PAX1: variants seen among roughly 807,000 people sequenced by gnomAD.
PAX1 encodes paired box protein Pax-1.
In PAX1, 18 loss-of-function variants were observed where a neutral mutation model predicts 35.6. That is an observed-to-expected ratio of 0.50 (90% CI 0.35 to 0.75). The LOEUF (loss-of-function observed/expected upper bound fraction) is 0.75. Among genes scored for constraint, PAX1 ranks in the 30% least tolerant of loss-of-function variants. The probability of loss-of-function intolerance (pLI) is 0.01; values close to 1 mark genes in which losing one functional copy is unlikely to be tolerated. For synonymous variants in PAX1, 397 were observed against 305.2 expected (o/e 1.30, Z -3.14); for missense variants, 760 against 661.5 (o/e 1.15, Z -1.63).
Position 21,706,659 on chromosome 20 carries a change from C to T in PAX1, c.508C>T (p.Pro170Ser). The T allele has an allele frequency of 6.2e-7, 1 of 1,612,328 alleles. No individual in the cohort carries two copies. ...GCCCGGGGCCATCGGGGGGAGCAAG[C>T]CCCGCGTCACCACTCCCAACGTGGT... is the stretch of plus-strand genomic sequence containing the variant. ...ILPGAIGGSK[P>S]RVTTPNVVKH... Residue 170 changes from proline (P) to serine (S), a missense_variant, in exon 2 of 5, where the codon CCC becomes TCC. Pro to Ser is a moderately conservative substitution (Grantham distance 74). Transcript: ENST00000613128. This position sits in a 1 kb window ranked among gnomAD's most constrained non-coding sequence, Gnocchi z 5.3.
In PAX1 at chr20:21,706,005, G is replaced by C. The variant is rs960957988; in HGVS notation, c.286+7G>C. 4.1e-6 allele frequency: 6 copies of C among 1,470,674 alleles called. No individual in the cohort carries two copies. The African/African-American group carries it at 8.5e-5, about 21-fold the overall frequency. 91.1% of individuals were successfully genotyped at this position (1,470,674 alleles called of 1,614,324 possible). On this transcript the variant is annotated splice_region_variant and intron_variant, in intron 1 of 4. Transcript: ENST00000613128. The surrounding 1 kb of genome is among the most constrained non-coding windows in gnomAD (Gnocchi z 5.3). ...GCCGGCCCGCTCGCTATGGGTAAGG[G>C]GCGGGCGACAGGCAGGGCTCGGGAG...
chr20:21,713,723 A>T (rs1250215337), intron 4 of PAX1, among the ~76,000 whole-genome samples: 1 of 152,192 alleles, frequency 6.6e-6, no homozygotes, highest in East Asian at 1.9e-4. Context: ...GCCCCTTCCC[A>T]AGCCCCTAAA....
At chr20:21,712,253 ATAAT>A in intron 4 of PAX1, among the ~76,000 whole-genome samples, 2 of 152,364 alleles carry the variant, frequency 1.3e-5, no homozygotes, top group Middle Eastern at 3.4e-3. Context: ...ATTTAATACT[ATAAT>A]TCATTTTTTT....
rs1220036982 is a variant in PAX1 at position 21,717,320 on chromosome 20, C to T, written c.*2758C>T. The T allele has an allele frequency of 1.3e-5, 2 of 152,284 alleles. No individual in the cohort carries two copies. Among genetic ancestry groups the T allele is most frequent in the African/African-American group, 4.8e-5 (2 of 41,438 alleles). The allele number at this position is 152,284 out of a possible 1,614,324, so 9.4% of individuals were successfully genotyped here. On this transcript the variant is annotated 3_prime_UTR_variant, in exon 5 of 5. Transcript: ENST00000613128. ...AGTGAACTTGGCTTAAATCTCTGCT[C>T]CACTGTATGTGTCAGGGGACTGGGA...
At position 21,706,407 on chromosome 20, in the gene PAX1, T is replaced by A. The variant is rs758695597; in HGVS notation, c.287-31T>A. 18 of 1,609,350 alleles carry A rather than the reference T, an allele frequency of 1.1e-5. No individual in the cohort carries two copies. Among genetic ancestry groups the A allele is most frequent in the Admixed American group, 5.0e-5 (3 of 60,000 alleles). On this transcript the variant is annotated intron_variant, in intron 1 of 4. Transcript: ENST00000613128. This position sits in a 1 kb window ranked among gnomAD's most constrained non-coding sequence, Gnocchi z 5.3. ...TAACCCGCCGGGTGTTTTCTCCCCC[T>A]CCGGCTCACTCTTGTCTGGCGCATC... is the stretch of plus-strand genomic sequence containing the variant.
At position 21,716,895 on chromosome 20, in the gene PAX1, G is replaced by T. The variant is rs1985387788; in HGVS notation, c.*2333G>T. ...GCCTGGAGAAGGACTGGCTTGCTCA[G>T]GCCAGGAGGAAGACATCACATCCCT... On this transcript the variant is annotated 3_prime_UTR_variant, in exon 5 of 5. Transcript: ENST00000613128. 6.6e-6 allele frequency: 1 copy of T among 152,194 alleles called. No homozygotes were observed. The highest frequency in any genetic ancestry group is 1.5e-5 in the Non-Finnish European group (1 of 68,050). The allele number at this position is 152,194 out of a possible 1,614,324, so 9.4% of individuals were successfully genotyped here.
rs185105091 is a variant in PAX1, at chr20:21,706,405, C to T, written c.287-33C>T. The T allele has an allele frequency of 6.2e-6, 10 of 1,609,446 alleles. No individual in the cohort carries two copies. The East Asian group carries it at 6.7e-5, about 11-fold the overall frequency. ...GCTAACCCGCCGGGTGTTTTCTCCC[C>T]CTCCGGCTCACTCTTGTCTGGCGCA... On this transcript the variant is annotated intron_variant, in intron 1 of 4. Transcript: ENST00000613128. This position sits in a 1 kb window ranked among gnomAD's most constrained non-coding sequence, Gnocchi z 5.3.
In PAX1 at chr20:21,705,730, C is replaced by A; in HGVS notation, c.18C>A (p.Gly6=). The change falls in exon 1 of 5, where the codon GGC becomes GGA. Residue 6 remains glycine, a synonymous_variant. Coordinates refer to ENST00000613128, the MANE Select transcript of PAX1 (RefSeq NM_001257096.2). The part of the protein sequence containing the change: MKFTL[G]LGSRAWRVSW... ...CCAATCGGATGAAGTTCACCCTGGGCCTGGGGTCGCGGGCGTGGAGAGTGT... is the reference window on the plus strand; with the variant it reads ...CCAATCGGATGAAGTTCACCCTGGGACTGGGGTCGCGGGCGTGGAGAGTGT... The A allele has an allele frequency of 1.6e-6, 2 of 1,248,780 alleles. No homozygotes were observed. The highest frequency in any genetic ancestry group is 4.1e-5 in the South Asian group (1 of 24,536). 77.4% of individuals were successfully genotyped at this position (1,248,780 alleles called of 1,614,324 possible).
chr20:21,714,521 A>C lies in PAX1; in HGVS notation c.1333A>C (p.Ser445Arg). ...SSGSKAPDAL[S>R]SLHGLPIPAS... ...CGGCAGCAAGGCCCCGGACGCCCTCAGTAGCTTACACGGACTGCCCATCCC... is the reference window on the plus strand; with the variant it reads ...CGGCAGCAAGGCCCCGGACGCCCTCCGTAGCTTACACGGACTGCCCATCCC... The change falls in exon 5 of 5, where the codon AGT becomes CGT. Residue 445 changes from serine to arginine, a missense_variant. This residue lies in a region of PAX1 where 490 missense variants were observed against 428.4 expected (regional missense o/e 1.14). Coordinates refer to ENST00000613128, the MANE Select transcript of PAX1 (RefSeq NM_001257096.2). 1 of 1,596,478 alleles carries C rather than the reference A, an allele frequency of 6.3e-7. No individual in the cohort carries two copies. The highest frequency in any genetic ancestry group is 8.5e-7 in the Non-Finnish European group (1 of 1,173,124).
chr20:21,712,441 A>T (rs912987150), intron 4 of PAX1, among the ~76,000 whole-genome samples: 2 of 152,108 alleles, frequency 1.3e-5, no homozygotes, highest in Non-Finnish European at 2.9e-5. Flanking sequence ...CTCCACCCAC[A>T]TCCAAATGTC....
At chr20:21,712,788 G>T (rs1458272250) in intron 4 of PAX1, among the ~76,000 whole-genome samples, 1 of 152,182 alleles carries the variant, frequency 6.6e-6, no homozygotes, top group South Asian at 2.1e-4. Flanking sequence ...TGTCGCACCC[G>T]GACGCTGGCA....
chr20:21,707,025 G>A lies in PAX1; in HGVS notation c.874G>A (p.Val292Ile). The change falls in exon 2 of 5, where the codon GTC becomes ATC. Residue 292 changes from valine to isoleucine, a missense_variant. Physicochemically the swap from Val to Ile is conservative, Grantham distance 29. Coordinates refer to ENST00000613128, the MANE Select transcript of PAX1 (RefSeq NM_001257096.2). The stretch of plus-strand genomic sequence containing the variant: ...GCGCTCATGGCCCTCGGCACACTCG[G>A]TCAGCAACATCCTGGGCATCCGGAC... ...IPRSWPSAHS[V>I]SNILGIRTFM... 2 of 1,613,118 alleles carry A rather than the reference G, an allele frequency of 1.2e-6. No homozygotes were observed. The highest frequency in any genetic ancestry group is 1.7e-6 in the Non-Finnish European group (2 of 1,180,022).
chr20:21,706,243 G>A lies in PAX1; in HGVS notation c.287-195G>A, dbSNP rs777985440. The A allele has an allele frequency of 3.2e-5, 26 of 823,368 alleles. No individual in the cohort carries two copies. The highest frequency in any genetic ancestry group is 4.5e-4 in the Middle Eastern group (2 of 4,472). The allele number at this position is 823,368 out of a possible 1,614,324, so 51.0% of individuals were successfully genotyped here. On this transcript the variant is annotated intron_variant, in intron 1 of 4. Coordinates refer to ENST00000613128, the MANE Select transcript of PAX1 (RefSeq NM_001257096.2). This position sits in a 1 kb window ranked among gnomAD's most constrained non-coding sequence, Gnocchi z 5.3. ...GCTACAATGCGCCGCGCTCCACTCC[G>A]CGGCTCCTCTGCGCCCTTGCCCACT...
chr20:21,706,359 C>T lies in PAX1; in HGVS notation c.287-79C>T, dbSNP rs1984996435. ...GGAAGTGCGCCTGGGTGCAGTCCCT[C>T]GCTCCGCGTGGGGACCCTTGGCTAA... On this transcript the variant is annotated intron_variant, in intron 1 of 4. Coordinates refer to ENST00000613128, the MANE Select transcript of PAX1 (RefSeq NM_001257096.2). This position sits in a 1 kb window ranked among gnomAD's most constrained non-coding sequence, Gnocchi z 5.3. 3 of 1,568,724 alleles carry T rather than the reference C, an allele frequency of 1.9e-6. No homozygotes were observed. The highest frequency in any genetic ancestry group is 1.7e-4 in the Middle Eastern group (1 of 5,994).
At chr20:21,713,995 G>A (rs529618119) in intron 4 of PAX1, among the ~76,000 whole-genome samples, 4 of 152,378 alleles carry the variant, frequency 2.6e-5, no homozygotes, top group Non-Finnish European at 4.4e-5. Flanking sequence ...CCGAGCCGCG[G>A]GTGTCAGCGG....
In PAX1 at chr20:21,706,694, C is replaced by T; in HGVS notation, c.543C>T (p.Ile181=). ...RVTTPNVVKH[I]RDYKQGDPGI... Reference sequence around the variant, plus strand: ...CCACTCCCAACGTGGTCAAGCACATCCGGGACTACAAGCAAGGAGACCCTG... The same window carrying T: ...CCACTCCCAACGTGGTCAAGCACATTCGGGACTACAAGCAAGGAGACCCTG... The change falls in exon 2 of 5, where the codon ATC becomes ATT. Residue 181 remains isoleucine, a synonymous_variant. Coordinates refer to ENST00000613128, the MANE Select transcript of PAX1 (RefSeq NM_001257096.2). This position sits in a 1 kb window ranked among gnomAD's most constrained non-coding sequence, Gnocchi z 5.3. The T allele has an allele frequency of 1.2e-6, 2 of 1,613,352 alleles. No individual in the cohort carries two copies. Among genetic ancestry groups the T allele is most frequent in the Non-Finnish European group, 1.7e-6 (2 of 1,180,038 alleles).
rs770495252 is a variant in PAX1, at chr20:21,706,401, T to TC, written c.287-32dup. The TC allele has an allele frequency of 1.4e-5, 22 of 1,608,408 alleles. No homozygotes were observed. The highest frequency in any genetic ancestry group is 1.7e-4 in the Middle Eastern group (1 of 6,054). ...CTTGGCTAACCCGCCGGGTGTTTTC[T>TC]CCCCCTCCGGCTCACTCTTGTCTGG... On this transcript the variant is annotated intron_variant, in intron 1 of 4. Transcript: ENST00000613128. This position sits in a 1 kb window ranked among gnomAD's most constrained non-coding sequence, Gnocchi z 5.3.
At chr20:21,708,155 C>T (rs1985076262) in intron 2 of PAX1, 3 of 323,300 alleles carry the variant, frequency 9.3e-6, no homozygotes, top group Non-Finnish European at 1.8e-5. Flanking sequence ...CTCGTAGAAT[C>T]GTCTCCCTGC....
chr20:21,717,919 A>T lies in PAX1; in HGVS notation c.*3357A>T, dbSNP rs1225477361. The T allele has an allele frequency of 6.6e-6, 1 of 152,174 alleles. No homozygotes were observed. The highest frequency in any genetic ancestry group is 1.5e-5 in the Non-Finnish European group (1 of 68,034). 9.4% of individuals were successfully genotyped at this position (152,174 alleles called of 1,614,324 possible). On this transcript the variant is annotated 3_prime_UTR_variant, in exon 5 of 5. Transcript: ENST00000613128. ...GTCTTTTGTGAATCTTTCCAGGAAA[A>T]ACATGCATGCGGGAAAATATGTTTC...
Sources: gnomAD v4.1 joint callset for allele counts (sites outside exome capture counted in the v4.1 genomes callset) on GRCh38, gnomAD v4.1.1 for gene constraint, gnomAD v4.1.1 regional missense constraint, Gnocchi (gnomAD v3.1) non-coding constraint, MANE v1.5 for transcripts, NCBI Gene and HGNC (gene_info 2026-07-23, HGNC 2026-07-21) for gene names.